The following NCAM2 variants were observed in gnomAD, a reference collection of about 807,000 sequenced individuals.
The protein encoded by NCAM2 is neural cell adhesion molecule 2.
In NCAM2, 30 loss-of-function variants were observed where a neutral mutation model predicts 98.1. That is an observed-to-expected ratio of 0.31 (90% CI 0.23 to 0.41). NCAM2 has a LOEUF of 0.41. NCAM2 is among the 10% of genes least tolerant of loss of function. The pLI, the probability that NCAM2 is intolerant of heterozygous loss-of-function variation, is 1.00. For synonymous variants in NCAM2, 368 were observed against 342.4 expected (o/e 1.07, Z -0.83); for missense variants, 867 against 1,005.8 (o/e 0.86, Z 1.87).
intron 1 of NCAM2, among the ~76,000 whole-genome samples, chr21:21,070,544 G>C (rs2065540780): frequency 6.6e-6 from 1 of 152,000 alleles, no homozygotes; most frequent in Non-Finnish European, 1.5e-5. Flanking sequence ...AGGAAAACAT[G>C]AGTATTTATT....
At chr21:21,420,781 A>C (rs1261128363) in intron 11 of NCAM2, among the ~76,000 whole-genome samples, 1 of 151,900 alleles carries the variant, frequency 6.6e-6, no homozygotes, top group Non-Finnish European at 1.5e-5. Context: ...AATTGATGGA[A>C]GAAGGCAGGG....
intron 1 of NCAM2, among the ~76,000 whole-genome samples, chr21:21,117,073 G>T (rs993247164): frequency 1.3e-5 from 2 of 151,870 alleles, no homozygotes; most frequent in Non-Finnish European, 1.5e-5. Flanking sequence ...GATATATATC[G>T]ACATTGTGAT....
chr21:21,427,959 C>A (rs1453278907), intron 11 of NCAM2, among the ~76,000 whole-genome samples: 1 of 152,136 alleles, frequency 6.6e-6, no homozygotes, highest in East Asian at 1.9e-4. Context: ...CAACAACACT[C>A]GCCGTCGTAC....
chr21:21,214,216 G>A (rs888840189), intron 1 of NCAM2, among the ~76,000 whole-genome samples: 2 of 152,076 alleles, frequency 1.3e-5, no homozygotes, highest in African/African-American at 2.4e-5. Context: ...GAGAATTACA[G>A]TCTTTCCAAG....
intron 1 of NCAM2, among the ~76,000 whole-genome samples, chr21:21,153,989 T>G (rs558314964): frequency 4.6e-5 from 7 of 152,002 alleles, no homozygotes; most frequent in African/African-American, 1.7e-4. Flanking sequence ...ATTAAGTTTA[T>G]AAATGAGATA....
At chr21:21,361,647 A>G (rs963668674) in intron 8 of NCAM2, among the ~76,000 whole-genome samples, 22 of 151,994 alleles carry the variant, frequency 1.4e-4, no homozygotes, top group Admixed American at 6.6e-4. Flanking sequence ...GTAATCTCCA[A>G]ATTTCAACTG....
rs367760302 is a variant in NCAM2, at chr21:21,373,105, A to G, written c.1045-758A>G. Among the ~76,000 whole-genome samples the G allele has an allele frequency of 2.7e-4, 41 of 151,994 alleles. 1 individual carries two copies. The East Asian group carries it at 4.1e-3, about 15-fold the overall frequency. On this transcript the variant is annotated intron_variant, in intron 8 of 17. Coordinates refer to ENST00000400546, the MANE Select transcript of NCAM2 (RefSeq NM_004540.5). Reference sequence around the variant, plus strand: ...GAGTACATTTTCTTTACTCAACTGCATGTAAATTTCACTATAACATAATTT... The same window carrying G: ...GAGTACATTTTCTTTACTCAACTGCGTGTAAATTTCACTATAACATAATTT...
chr21:21,094,014 C>G (rs1170074716), intron 1 of NCAM2, among the ~76,000 whole-genome samples: 1 of 151,826 alleles, frequency 6.6e-6, no homozygotes. Context: ...TTGGTAATTG[C>G]AAATTTATAT....
intron 1 of NCAM2, 49 bp downstream of exon 1, chr21:20,998,667 C>A (rs1023554982): frequency 6.4e-7 from 1 of 1,566,424 alleles, no homozygotes; most frequent in Non-Finnish European, 8.8e-7. Context: ...CCCTTCCACC[C>A]GGCCAAGAGA....
At chr21:21,002,632 C>T (rs1252204601) in intron 1 of NCAM2, among the ~76,000 whole-genome samples, 2 of 152,120 alleles carry the variant, frequency 1.3e-5, no homozygotes, top group Non-Finnish European at 2.9e-5. Flanking sequence ...TGTAACTTAT[C>T]TCTTTTCAGG....
At chr21:21,023,815 A>T (rs1357478393) in intron 1 of NCAM2, among the ~76,000 whole-genome samples, 1 of 152,182 alleles carries the variant, frequency 6.6e-6, no homozygotes, top group Non-Finnish European at 1.5e-5. Flanking sequence ...TATTGTATAT[A>T]TATTTAGATA....
chr21:21,219,160 T>G (rs2070032062), intron 1 of NCAM2, among the ~76,000 whole-genome samples: 1 of 152,042 alleles, frequency 6.6e-6, no homozygotes, highest in Admixed American at 6.5e-5. Context: ...AGATTTTTTC[T>G]TTGCAATTTT....
At chr21:21,511,484 C>A (rs1462360623) in intron 16 of NCAM2, among the ~76,000 whole-genome samples, 1 of 151,906 alleles carries the variant, frequency 6.6e-6, no homozygotes, top group Non-Finnish European at 1.5e-5. Flanking sequence ...AGCAAATTTT[C>A]ATCCATTCAT....
intron 1 of NCAM2, among the ~76,000 whole-genome samples, chr21:21,028,628 AAT>A (rs2064602939): frequency 6.6e-6 from 1 of 152,240 alleles, no homozygotes; most frequent in African/African-American, 2.4e-5. Flanking sequence ...ACTGAATTAA[AAT>A]GAGACAGTGC....
chr21:21,506,284 A>G (rs1030630801), intron 15 of NCAM2, among the ~76,000 whole-genome samples: 1 of 152,136 alleles, frequency 6.6e-6, no homozygotes, highest in South Asian at 2.1e-4. Flanking sequence ...AATGTGCAAC[A>G]TATCTAAAAT....
intron 6 of NCAM2, among the ~76,000 whole-genome samples, chr21:21,330,312 C>T (rs1464606812): frequency 6.6e-6 from 1 of 152,002 alleles, no homozygotes; most frequent in Non-Finnish European, 1.5e-5. Flanking sequence ...TAATTGCACC[C>T]TGCTAATTTT....
At chr21:21,399,054 G>A (rs940613355) in intron 9 of NCAM2, among the ~76,000 whole-genome samples, 1 of 152,176 alleles carries the variant, frequency 6.6e-6, no homozygotes, top group Admixed American at 6.5e-5. Context: ...GGATCAAGAG[G>A]TGACCAAGGG....
intron 1 of NCAM2, among the ~76,000 whole-genome samples, chr21:21,089,897 T>C (rs2065977759): frequency 6.6e-6 from 1 of 152,202 alleles, no homozygotes; most frequent in African/African-American, 2.4e-5. Context: ...TTACTTATTT[T>C]ATCCAAGAGA....
chr21:21,409,295 G>T (rs2076808988), intron 9 of NCAM2, among the ~76,000 whole-genome samples: 1 of 152,030 alleles, frequency 6.6e-6, no homozygotes, highest in Admixed American at 6.6e-5. Context: ...ATTATACATT[G>T]TTTTCTCTTA....
Sources: allele counts gnomAD v4.1 joint callset (sites outside exome capture counted in the v4.1 genomes callset), GRCh38; gene constraint gnomAD v4.1.1; transcripts MANE v1.5; gene names NCBI Gene and HGNC (gene_info 2026-07-23, HGNC 2026-07-21).